The following DNAH10 variants were observed in gnomAD, a reference collection of about 807,000 sequenced individuals.
DNAH10 encodes the protein axonemal beta dynein heavy chain 10.
In DNAH10, 348 loss-of-function variants were observed where a neutral mutation model predicts 506.6. The observed-to-expected ratio is 0.69, with a 90% CI of 0.63 to 0.75. The LOEUF is 0.75. DNAH10 is among the 30% of genes least tolerant of loss of function. DNAH10 has a pLI of 0.00. For synonymous variants in DNAH10, 2,059 were observed against 2,198.6 expected, an observed-to-expected ratio of 0.94 and a Z score of 1.78; for missense variants, 5,179 against 5,787.1, an observed-to-expected ratio of 0.89 and a Z score of 3.41.
chr12:123,769,979 G>A (rs1390978904), intron 2 of DNAH10, among the ~76,000 whole-genome samples: 3 of 146,538 alleles, frequency 2.0e-5, no homozygotes, highest in Non-Finnish European at 4.5e-5. Flanking sequence ...GGTGGCTCAC[G>A]CCTATAATCC....
intron 61 of DNAH10, 142 bp downstream of exon 61, chr12:123,914,692 A>G: frequency 7.2e-7 from 1 of 1,389,724 alleles, no homozygotes. Context: ...GTGGCCGGGC[A>G]AGCTGCAAAC....
intron 78 of DNAH10, chr12:123,935,052 G>A (rs1955427364): frequency 3.3e-6 from 2 of 600,188 alleles, no homozygotes; most frequent in Non-Finnish European, 5.9e-6. Flanking sequence ...CTTGCAAAAT[G>A]CTGCAGACAT....
At chr12:123,892,748 G>A (rs969338724) in intron 52 of DNAH10, among the ~76,000 whole-genome samples, 1 of 152,236 alleles carries the variant, frequency 6.6e-6, no homozygotes, top group Non-Finnish European at 1.5e-5. Context: ...TCGACTGCGT[G>A]CCGTTGACAT....
At chr12:123,900,840 C>A (rs1163428637) in intron 56 of DNAH10, among the ~76,000 whole-genome samples, 1 of 152,110 alleles carries the variant, frequency 6.6e-6, no homozygotes, top group Non-Finnish European at 1.5e-5. Context: ...ACTTTGGGAG[C>A]CTCCAGCATG....
chr12:123,870,296 G>A (rs1391567624), intron 43 of DNAH10, 70 bp from the exon 44 acceptor site: 2 of 1,553,392 alleles, frequency 1.3e-6, no homozygotes, highest in East Asian at 2.4e-5. Context: ...TTCATTTCAA[G>A]CATGTGCCAG....
chr12:123,789,955 G>A lies in DNAH10; in HGVS notation c.1649G>A (p.Gly550Asp), dbSNP rs1405287429. The change falls in exon 11 of 79, where the codon GGT (glycine) becomes GAT (aspartate). Residue 550 changes from glycine (G) to aspartate (D), a missense_variant. Gly to Asp is a moderately conservative substitution (Grantham distance 94, BLOSUM62 -1). Around this residue, in one of 3 missense-constraint regions of DNAH10, gnomAD observed 4,844 missense variants for 5,430.5 expected, o/e 0.89. Coordinates refer to ENST00000673944, the MANE Select transcript of DNAH10 (RefSeq NM_001372106.1). Reference sequence around the variant, plus strand: ...TTGGAGGAATTTTATAACATATTTGGTCCAGAACTAAAGGCAGTGACGGGG... The same window carrying A: ...TTGGAGGAATTTTATAACATATTTGATCCAGAACTAAAGGCAGTGACGGGG... ...QILEEFYNIF[G>D]PELKAVTGDP... The A allele has an allele frequency of 1.2e-6, 2 of 1,613,708 alleles. No homozygotes were observed. Among genetic ancestry groups the A allele is most frequent in the Admixed American group, 1.7e-5 (1 of 59,944 alleles).
Position 123,804,960 on chromosome 12 carries a change from A to G in DNAH10, c.2907A>G (p.Thr969=). The change falls in exon 18 of 79, where the codon ACA becomes ACG. Residue 969 remains threonine (T), a synonymous_variant. Coordinates refer to ENST00000673944, the MANE Select transcript of DNAH10 (RefSeq NM_001372106.1). ...AGGGCCTGGTCGTCCACACCAACAC[A>G]GGCAAGGCCCCCAAGCTGGCCTCCT... ...KVEGLVVHTN[T]GKAPKLASYY... 1 of 1,614,254 alleles carries G rather than the reference A, an allele frequency of 6.2e-7. No homozygotes were observed. The highest frequency in any genetic ancestry group is 8.5e-7 in the Non-Finnish European group (1 of 1,180,046).
At chr12:123,874,968 A>G (rs1952193481) in intron 46 of DNAH10, among the ~76,000 whole-genome samples, 1 of 152,166 alleles carries the variant, frequency 6.6e-6, no homozygotes, top group Non-Finnish European at 1.5e-5. Context: ...AGCTCTTCCT[A>G]TGGGACTGGT....
chr12:123,929,485 G>T lies in DNAH10; in HGVS notation c.12516+1G>T. ...TGACTTCAATGAGTCTGACTTCCAG[G>T]TGACAGTGGCTGCTTCTCCTTGGAA... On this transcript the variant is annotated splice_donor_variant, in intron 71 of 78. Transcript: ENST00000673944. LOFTEE classifies it high-confidence loss of function. 2 of 1,612,338 alleles carry T rather than the reference G, an allele frequency of 1.2e-6. No homozygotes were observed. Among genetic ancestry groups the T allele is most frequent in the Non-Finnish European group, 1.7e-6 (2 of 1,179,296 alleles).
At chr12:123,910,950 T>TA (rs1954039783) in intron 59 of DNAH10, among the ~76,000 whole-genome samples, 1 of 151,956 alleles carries the variant, frequency 6.6e-6, no homozygotes, top group African/African-American at 2.4e-5. Context: ...CTCATGCCTG[T>TA]AATCCAGCAC....
In DNAH10 at chr12:123,924,328, T is replaced by C; in HGVS notation, c.11662T>C (p.Ser3888Pro). 6.2e-7 allele frequency: 1 copy of C among 1,613,358 alleles called. No homozygotes were observed. Among genetic ancestry groups the C allele is most frequent in the Non-Finnish European group, 8.5e-7 (1 of 1,179,524 alleles). The change falls in exon 67 of 79, where the codon TCT becomes CCT. Residue 3888 changes from serine (S) to proline (P), a missense_variant. Coordinates refer to ENST00000673944, the MANE Select transcript of DNAH10 (RefSeq NM_001372106.1). Reference sequence around the variant, plus strand: ...AAGAAAAAAGCCCTGCGCTTGGTTGTCTGACCAAGGATGGGAAGATATCAT... The same window carrying C: ...AAGAAAAAAGCCCTGCGCTTGGTTGCCTGACCAAGGATGGGAAGATATCAT... ...SKRKKPCAWL[S>P]DQGWEDIILL...
Position 123,909,049 on chromosome 12 carries a change from G to A in DNAH10, c.9816-212G>A, listed in dbSNP as rs1378437311. On this transcript the variant is annotated intron_variant, in intron 57 of 78. Transcript: ENST00000673944. This position sits in a 1 kb window ranked among gnomAD's most constrained non-coding sequence, Gnocchi z 5.4. ...GCCCCCGCACCATTCCAGGCGCCTGGTCTGGAACCTGAGAGGGGGACCCGG... is the reference window on the plus strand; with the variant it reads ...GCCCCCGCACCATTCCAGGCGCCTGATCTGGAACCTGAGAGGGGGACCCGG... Among the ~76,000 whole-genome samples, 1 of 152,208 alleles carries A rather than the reference G, an allele frequency of 6.6e-6. No homozygotes were observed. The highest frequency in any genetic ancestry group is 1.5e-5 in the Non-Finnish European group (1 of 68,040).
chr12:123,765,496 A>G (rs1342825922), intron 1 of DNAH10, among the ~76,000 whole-genome samples: 1 of 152,132 alleles, frequency 6.6e-6, no homozygotes, highest in East Asian at 1.9e-4. Context: ...TTATCAGTCA[A>G]TCAATCAGCC....
At position 123,848,112 on chromosome 12, in the gene DNAH10, A is replaced by C; in HGVS notation, c.5949+17A>C. 6.2e-7 allele frequency: 1 copy of C among 1,607,408 alleles called. No individual in the cohort carries two copies. The highest frequency in any genetic ancestry group is 8.5e-7 in the Non-Finnish European group (1 of 1,176,150). On this transcript the variant is annotated intron_variant, in intron 33 of 78. Transcript: ENST00000673944. ...GATTACAGGGTAAGGCCTGGCTGTC[A>C]CCTTTGGTACTGGCTCATTAGGCAG...
intron 60 of DNAH10, 63 bp from the exon 61 acceptor site, chr12:123,914,266 A>C (rs1349179025): frequency 4.1e-6 from 6 of 1,469,278 alleles, no homozygotes; most frequent in Non-Finnish European, 5.6e-6. Flanking sequence ...TTCTTCTGGA[A>C]TGTTCCTTTT....
At chr12:123,880,918 G>T (rs143821148) in intron 50 of DNAH10, among the ~76,000 whole-genome samples, 2 of 150,644 alleles carry the variant, frequency 1.3e-5, no homozygotes, top group African/African-American at 4.9e-5. Context: ...TTCTGTCCTT[G>T]CAGTAGTTTG....
chr12:123,867,575 A>G lies in DNAH10; in HGVS notation c.7276A>G (p.Ile2426Val), dbSNP rs563083608. 6.7e-5 allele frequency: 108 copies of G among 1,614,016 alleles called. No individual in the cohort carries two copies. Among genetic ancestry groups the G allele is most frequent in the Middle Eastern group, 4.9e-4 (3 of 6,062 alleles). Residue 2426 changes from isoleucine to valine, a missense_variant, in exon 42 of 79, where the codon ATA becomes GTA. This residue lies in a region of DNAH10 where 4,844 missense variants were observed against 5,430.5 expected (regional missense o/e 0.89). Coordinates refer to ENST00000673944, the MANE Select transcript of DNAH10 (RefSeq NM_001372106.1). ...AAGACAAGCAGAAAAGCTGAAGACA[A>G]TAGTTCCTCAGACAGACCTCAATAT... Reference protein sequence around the residue: ...DGRQAEKLKTIVPQTDLNMVT... With the variant: ...DGRQAEKLKTVVPQTDLNMVT...
chr12:123,826,628 T>A (rs970443339), intron 24 of DNAH10, 59 bp from the exon 25 acceptor site: 37 of 1,502,238 alleles, frequency 2.5e-5, no homozygotes, highest in Non-Finnish European at 3.4e-5. Context: ...GAACTTGCTC[T>A]CCTTGTTGCA....
intron 33 of DNAH10, among the ~76,000 whole-genome samples, chr12:123,848,477 A>G (rs1412493347): frequency 6.6e-6 from 1 of 152,152 alleles, no homozygotes. Flanking sequence ...ATTTTCCCAC[A>G]TTTCAAGAGA....
Sources: gnomAD v4.1 joint callset for allele counts (sites outside exome capture counted in the v4.1 genomes callset) on GRCh38, gnomAD v4.1.1 for gene constraint, gnomAD v4.1.1 regional missense constraint, Gnocchi (gnomAD v3.1) non-coding constraint, MANE v1.5 for transcripts, NCBI Gene and HGNC (gene_info 2026-07-23, HGNC 2026-07-21) for gene names.